Variants in BMPR1B observed in about 807,000 individuals in gnomAD.
BMPR1B encodes bone morphogenetic protein receptor type-1B.
BMPR1B carries 12 observed loss-of-function variants against 59.1 expected under a neutral mutation model. The ratio of observed to expected loss-of-function variants is 0.20; its 90% CI spans 0.13 to 0.33. The LOEUF (loss-of-function observed/expected upper bound fraction) is 0.33, where lower values mean the gene tolerates loss of function less well. Ranked by LOEUF, BMPR1B falls within the 10% of genes least tolerant of loss-of-function variation. The probability of loss-of-function intolerance (pLI) is 1.00; values close to 1 mark genes in which losing one functional copy is unlikely to be tolerated. For missense variants in BMPR1B, 550 were observed against 610.9 expected, an observed-to-expected ratio of 0.90 and a Z score of 1.05; for synonymous variants, 237 against 207.3, an observed-to-expected ratio of 1.14 and a Z score of -1.23.
chr4:95,123,475 A>C (rs1461838364), intron 6 of BMPR1B, among the ~76,000 whole-genome samples: 2 of 152,122 alleles, frequency 1.3e-5, no homozygotes, highest in African/African-American at 2.4e-5. Flanking sequence ...CTGCGTCTGT[A>C]ATAAAGATGA....
chr4:95,011,289 T>C (rs1362529769), intron 3 of BMPR1B, among the ~76,000 whole-genome samples: 1 of 152,172 alleles, frequency 6.6e-6, no homozygotes, highest in Non-Finnish European at 1.5e-5. Flanking sequence ...TTTCTTATCA[T>C]TTAGCTCCCG....
intron 1 of BMPR1B, among the ~76,000 whole-genome samples, chr4:94,797,624 A>G (rs1029988907): frequency 1.3e-5 from 2 of 152,194 alleles, no homozygotes; most frequent in African/African-American, 4.8e-5. Context: ...TGGACTATGT[A>G]GTGTTCCCCA....
intron 2 of BMPR1B, among the ~76,000 whole-genome samples, chr4:94,904,832 A>G (rs151274395): frequency 2.0e-5 from 3 of 151,980 alleles, no homozygotes; most frequent in Non-Finnish European, 4.4e-5. Flanking sequence ...CGAACTTGGA[A>G]TATTGCACTC....
intron 3 of BMPR1B, among the ~76,000 whole-genome samples, chr4:95,088,521 G>A (rs1479899260): frequency 6.6e-6 from 1 of 152,042 alleles, no homozygotes; most frequent in Non-Finnish European, 1.5e-5. Context: ...ATCCTAGAGG[G>A]ATTTGTTTTA....
chr4:95,021,690 A>G (rs2149137621), intron 3 of BMPR1B, among the ~76,000 whole-genome samples: 1 of 152,352 alleles, frequency 6.6e-6, no homozygotes, highest in South Asian at 2.1e-4. Flanking sequence ...TATTTTATAC[A>G]TACAAAATAT....
intron 3 of BMPR1B, among the ~76,000 whole-genome samples, chr4:95,081,396 A>G (rs1025051541): frequency 2.0e-5 from 3 of 152,218 alleles, no homozygotes; most frequent in South Asian, 2.1e-4. Context: ...ATTTGCAGCT[A>G]TATTCTCAGA....
intron 2 of BMPR1B, among the ~76,000 whole-genome samples, chr4:94,953,507 C>G (rs946508682): frequency 6.6e-6 from 1 of 152,112 alleles, no homozygotes; most frequent in Non-Finnish European, 1.5e-5. Flanking sequence ...TTTTATTTCT[C>G]CTTCACTTAT....
chr4:94,763,770 T>TA (rs1395994809), intron 1 of BMPR1B, among the ~76,000 whole-genome samples: 1 of 152,234 alleles, frequency 6.6e-6, no homozygotes, highest in African/African-American at 2.4e-5. Context: ...TTGTCTAAAT[T>TA]AATCTCTTGA....
intron 1 of BMPR1B, among the ~76,000 whole-genome samples, chr4:94,864,884 T>G (rs1726152571): frequency 6.6e-6 from 1 of 152,248 alleles, no homozygotes; most frequent in Non-Finnish European, 1.5e-5. Context: ...GTATGTATTT[T>G]TGCATTACAC....
chr4:94,920,046 G>A (rs17022575), intron 2 of BMPR1B, among the ~76,000 whole-genome samples: 2,943 of 151,912 alleles, frequency 0.019, 99 homozygotes, highest in African/African-American at 0.062. Flanking sequence ...GCAAGTTTTC[G>A]TTGTCTGGGT....
intron 3 of BMPR1B, among the ~76,000 whole-genome samples, chr4:95,019,148 G>T (rs558435441): frequency 1.9e-4 from 29 of 152,246 alleles, no homozygotes; most frequent in Non-Finnish European, 3.7e-4. Flanking sequence ...ATGAATGGAA[G>T]TCGCTAATGG....
chr4:95,133,514 C>G (rs1733536121), intron 10 of BMPR1B, among the ~76,000 whole-genome samples: 1 of 152,124 alleles, frequency 6.6e-6, no homozygotes, highest in Non-Finnish European at 1.5e-5. Flanking sequence ...CACCCATATC[C>G]CCTTCTGTAT....
chr4:94,847,836 G>C (rs1318144244), intron 1 of BMPR1B, among the ~76,000 whole-genome samples: 7 of 151,966 alleles, frequency 4.6e-5, no homozygotes, highest in African/African-American at 1.7e-4. Flanking sequence ...ATGGGTAAAG[G>C]CTACAAAAAT....
chr4:95,103,453 G>A, intron 3 of BMPR1B: 1 of 985,214 alleles, frequency 1.0e-6, no homozygotes, highest in Non-Finnish European at 1.2e-6. Flanking sequence ...ACTGCTCACG[G>A]TGACAATTTA....
intron 1 of BMPR1B, among the ~76,000 whole-genome samples, chr4:94,821,485 C>G (rs933423402): frequency 6.6e-6 from 1 of 151,980 alleles, no homozygotes; most frequent in African/African-American, 2.4e-5. Context: ...TACTTAAACT[C>G]TAATCTCAAA....
At chr4:94,928,261 CAA>C (rs1276243083) in intron 2 of BMPR1B, among the ~76,000 whole-genome samples, 1 of 151,140 alleles carries the variant, frequency 6.6e-6, no homozygotes, top group African/African-American at 2.4e-5. Context: ...CTCTTGGACT[CAA>C]GAGATACTCC....
At chr4:95,037,949 T>C (rs915642742) in intron 3 of BMPR1B, among the ~76,000 whole-genome samples, 1 of 152,132 alleles carries the variant, frequency 6.6e-6, no homozygotes, top group African/African-American at 2.4e-5. Context: ...GGGAGACAGT[T>C]AACAATAAAC....
intron 2 of BMPR1B, among the ~76,000 whole-genome samples, chr4:94,988,339 A>G (rs1037380427): frequency 6.6e-5 from 10 of 152,194 alleles, no homozygotes; most frequent in African/African-American, 1.9e-4. Context: ...ATTAGCAACA[A>G]CTATAACAAA....
At chr4:94,907,537 C>A (rs938807895) in intron 2 of BMPR1B, among the ~76,000 whole-genome samples, 2 of 152,086 alleles carry the variant, frequency 1.3e-5, no homozygotes, top group East Asian at 3.9e-4. Flanking sequence ...TCTCCATTCC[C>A]CTTTTGCCTC....
Sources: gnomAD v4.1 joint callset for allele counts (sites outside exome capture counted in the v4.1 genomes callset) on GRCh38, gnomAD v4.1.1 for gene constraint, MANE v1.5 for transcripts, NCBI Gene and HGNC (gene_info 2026-07-23, HGNC 2026-07-21) for gene names.